The following RIC1 variants were observed in gnomAD, a reference collection of about 807,000 sequenced individuals.
RIC1 encodes guanine nucleotide exchange factor subunit RIC1.
Under a neutral mutation model 169.0 loss-of-function variants are expected in RIC1, and 88 were observed. The observed-to-expected ratio is 0.52, with a 90% CI of 0.44 to 0.62. RIC1 has a LOEUF of 0.62. Ranked by LOEUF, RIC1 falls within the 20% of genes least tolerant of loss-of-function variation. The pLI, the probability that RIC1 is intolerant of heterozygous loss-of-function variation, is 0.00. For synonymous variants in RIC1, 790 were observed against 601.5 expected, an observed-to-expected ratio of 1.31 and a Z score of -4.59; for missense variants, 1,877 against 1,725.5, an observed-to-expected ratio of 1.09 and a Z score of -1.56.
chr9:5,712,086 T>C (rs1454241629), intron 3 of RIC1, among the ~76,000 whole-genome samples: 1 of 152,218 alleles, frequency 6.6e-6, no homozygotes, highest in Non-Finnish European at 1.5e-5. Context: ...TTTGGGTATA[T>C]ACCTAGTAAT....
chr9:5,677,426 G>T (rs1820516565), intron 2 of RIC1, among the ~76,000 whole-genome samples: 1 of 152,054 alleles, frequency 6.6e-6, no homozygotes, highest in Non-Finnish European at 1.5e-5. Context: ...ATCTGTTCCA[G>T]TACAATTGGT....
chr9:5,733,023 A>G (rs751421551), intron 7 of RIC1, among the ~76,000 whole-genome samples: 11 of 152,160 alleles, frequency 7.2e-5, no homozygotes, highest in Non-Finnish European at 1.3e-4. Context: ...GATACATTAG[A>G]AAACAAAGAT....
intron 21 of RIC1, among the ~76,000 whole-genome samples, chr9:5,768,200 G>A (rs1407045417): frequency 6.6e-6 from 1 of 152,184 alleles, no homozygotes; most frequent in Non-Finnish European, 1.5e-5. Flanking sequence ...TCAGGAATGA[G>A]AGACTATACT....
chr9:5,763,325 G>A lies in RIC1; in HGVS notation c.2298G>A (p.Gln766=). 1.2e-6 allele frequency: 2 copies of A among 1,614,160 alleles called. No homozygotes were observed. The highest frequency in any genetic ancestry group is 1.7e-6 in the Non-Finnish European group (2 of 1,180,022). ...GCAAGCCCCATTCCTTCTTGTCCCA[G>A]CGGATCATGCTGCCTTTCCACATCA... ...DHRKPHSFLS[Q]RIMLPFHINI... Residue 766 remains glutamine, a synonymous_variant, in exon 19 of 26, where the codon CAG becomes CAA. Coordinates refer to ENST00000414202, the MANE Select transcript of RIC1 (RefSeq NM_020829.4). This position sits in a 1 kb window ranked among gnomAD's most constrained non-coding sequence, Gnocchi z 5.2.
At chr9:5,735,020 A>T (rs1012422948) in intron 7 of RIC1, among the ~76,000 whole-genome samples, 3 of 152,166 alleles carry the variant, frequency 2.0e-5, no homozygotes, top group African/African-American at 7.2e-5. Context: ...AATTTCTTCT[A>T]TAGCTCCTTT....
chr9:5,697,366 C>G (rs1001576152), intron 3 of RIC1, among the ~76,000 whole-genome samples: 2 of 152,128 alleles, frequency 1.3e-5, no homozygotes, highest in Admixed American at 1.3e-4. Context: ...CCTGTGCTGC[C>G]TGCTGTCTCA....
chr9:5,751,300 T>G, intron 12 of RIC1, among the ~76,000 whole-genome samples: 1 of 151,850 alleles, frequency 6.6e-6, no homozygotes, highest in East Asian at 1.9e-4. Context: ...CACCCAATCA[T>G]TACCTTAAGT....
rs560313315 is a variant in RIC1, at chr9:5,773,971, C to T, written c.3997C>T (p.Pro1333Ser). 98 of 1,603,804 alleles carry T rather than the reference C, an allele frequency of 6.1e-5. No homozygotes were observed. The highest frequency in any genetic ancestry group is 1.7e-4 in the Middle Eastern group (1 of 5,964). The change falls in exon 26 of 26, where the codon CCA becomes TCA. Residue 1333 changes from proline (P) to serine (S), a missense_variant. Coordinates refer to ENST00000414202, the MANE Select transcript of RIC1 (RefSeq NM_020829.4). ...TTCTCTACATAGTCCTGGATATAAGCCATTTTTAAACATCATTAAGCCACA... is the reference window on the plus strand; with the variant it reads ...TTCTCTACATAGTCCTGGATATAAGTCATTTTTAAACATCATTAAGCCACA... The part of the protein sequence containing the change: ...WASTDCPGYK[P>S]FLNIIKPQLQ...
chr9:5,718,419 A>T (rs1823397466), intron 4 of RIC1, among the ~76,000 whole-genome samples: 1 of 152,184 alleles, frequency 6.6e-6, no homozygotes, highest in Admixed American at 6.5e-5. Flanking sequence ...AACAGTGAAG[A>T]GGGAAGGGGT....
intron 4 of RIC1, among the ~76,000 whole-genome samples, chr9:5,718,578 A>G (rs142333059): frequency 6.6e-6 from 1 of 152,376 alleles, no homozygotes; most frequent in African/African-American, 2.4e-5. Flanking sequence ...ACATTTCTTT[A>G]AGGCTCAAAA....
chr9:5,646,116 T>G (rs1321697692), intron 1 of RIC1, among the ~76,000 whole-genome samples: 1 of 152,186 alleles, frequency 6.6e-6, no homozygotes, highest in Admixed American at 6.5e-5. Flanking sequence ...ATGATTGCCA[T>G]TCCATTGGGT....
chr9:5,677,737 T>C (rs1820538993), intron 2 of RIC1, among the ~76,000 whole-genome samples: 8 of 152,144 alleles, frequency 5.3e-5, no homozygotes, highest in Admixed American at 4.6e-4. Flanking sequence ...AATTAGAGCA[T>C]AGATATAAGG....
At chr9:5,719,076 C>T (rs905301999) in intron 4 of RIC1, 1 of 151,970 alleles carries the variant, frequency 6.6e-6, no homozygotes, top group African/African-American at 2.4e-5. Flanking sequence ...ATACACATAA[C>T]ATTTTTTGTT....
intron 15 of RIC1, 32 bp from the exon 16 acceptor site, chr9:5,756,180 T>C (rs773480911): frequency 2.1e-6 from 3 of 1,440,320 alleles, no homozygotes; most frequent in Non-Finnish European, 2.8e-6. Flanking sequence ...TTATCTTGTT[T>C]TTATAATTTT....
At chr9:5,687,189 C>T (rs1821302076) in intron 2 of RIC1, among the ~76,000 whole-genome samples, 1 of 152,186 alleles carries the variant, frequency 6.6e-6, no homozygotes, top group East Asian at 1.9e-4. Context: ...GATATCACCT[C>T]TTTGATTTCT....
chr9:5,768,930 TAA>T, intron 21 of RIC1, 38 bp from the exon 22 acceptor site: 1 of 1,561,236 alleles, frequency 6.4e-7, no homozygotes, highest in Middle Eastern at 1.7e-4. Context: ...AATCCTCCAG[TAA>T]AGATTATTCT....
rs146025049 is a variant in RIC1 at position 5,708,258 on chromosome 9, T to C, written c.333-5638T>C. Among the ~76,000 whole-genome samples the C allele has an allele frequency of 2.0e-4, 30 of 152,282 alleles. 2 individuals carry two copies. The East Asian group carries it at 5.4e-3, about 27-fold the overall frequency. On this transcript the variant is annotated intron_variant, in intron 3 of 25. Coordinates refer to ENST00000414202, the MANE Select transcript of RIC1 (RefSeq NM_020829.4). ...CATTGTGTAACTGTTAACATAGATA[T>C]ATAATTACTGTTTTATGCACTTGTC...
At chr9:5,731,073 C>G (rs775536762) in intron 6 of RIC1, among the ~76,000 whole-genome samples, 74 of 152,270 alleles carry the variant, frequency 4.9e-4, no homozygotes, top group Non-Finnish European at 6.8e-4. Context: ...CCTGTACTCC[C>G]TCTTCACCAG....
rs1011635426 is a variant in RIC1 at position 5,765,302 on chromosome 9, C to G, written c.2842-112C>G. 3.6e-6 allele frequency: 4 copies of G among 1,110,114 alleles called. No individual in the cohort carries two copies. The East Asian group carries it at 7.3e-5, about 20-fold the overall frequency. 68.8% of individuals were successfully genotyped at this position (1,110,114 alleles called of 1,614,324 possible). ...TTTTAATCTTATTATTAAACTAACC[C>G]CTGTGGTGGTGTGGCTACATTCTTT... On this transcript the variant is annotated intron_variant, in intron 19 of 25. Transcript: ENST00000414202.
Sources: allele counts gnomAD v4.1 joint callset (sites outside exome capture counted in the v4.1 genomes callset), GRCh38; gene constraint gnomAD v4.1.1; non-coding constraint Gnocchi (gnomAD v3.1); transcripts MANE v1.5; gene names NCBI Gene and HGNC (gene_info 2026-07-23, HGNC 2026-07-21).